Variants in GRIN2B observed in about 807,000 individuals in gnomAD.
GRIN2B encodes the protein glutamate ionotropic receptor NMDA type subunit 2B, also known as glutamate receptor ionotropic, NMDA 2B.
Under a neutral mutation model 114.5 loss-of-function variants are expected in GRIN2B, and 5 were observed. The observed-to-expected ratio is 0.04, with a 90% CI of 0.02 to 0.09. The LOEUF (loss-of-function observed/expected upper bound fraction) is 0.09, where lower values mean the gene tolerates loss of function less well. GRIN2B is among the 10% of genes least tolerant of loss of function. The pLI is 1.00. For missense variants in GRIN2B, 1,108 were observed against 1,943.5 expected (o/e 0.57, Z 8.08); for synonymous variants, 787 against 745.1 (o/e 1.06, Z -0.92).
At chr12:13,572,007 G>GGAGAGA (rs370168771) in intron 10 of GRIN2B, 43 bp from the exon 11 acceptor site, 2 of 1,463,026 alleles carry the variant, frequency 1.4e-6, no homozygotes, top group Admixed American at 1.8e-5. Flanking sequence ...GGAGATGGAG[G>GGAGAGA]GAGAGAGAGA....
intron 5 of GRIN2B, among the ~76,000 whole-genome samples, chr12:13,648,238 G>A (rs1413686802): frequency 6.6e-6 from 1 of 152,010 alleles, no homozygotes; most frequent in African/African-American, 2.4e-5. Context: ...AAAGCTCAAC[G>A]GACAGTTGAG....
intron 4 of GRIN2B, among the ~76,000 whole-genome samples, chr12:13,742,911 T>G (rs1377780001): frequency 3.3e-5 from 5 of 152,228 alleles, no homozygotes; most frequent in African/African-American, 1.2e-4. Flanking sequence ...CCTTCCTTCC[T>G]TTCTAACTTC....
At chr12:13,926,861 G>A (rs1213892682) in intron 2 of GRIN2B, among the ~76,000 whole-genome samples, 1 of 151,872 alleles carries the variant, frequency 6.6e-6, no homozygotes, top group Non-Finnish European at 1.5e-5. Flanking sequence ...GCTGAGGCAG[G>A]AGAATGGCGT....
chr12:13,865,040 A>C (rs1865805210), intron 3 of GRIN2B, among the ~76,000 whole-genome samples: 1 of 152,216 alleles, frequency 6.6e-6, no homozygotes, highest in South Asian at 2.1e-4. Context: ...GATGAGCGTT[A>C]ATACCTTGGC....
chr12:13,931,902 T>C (rs1284702273), intron 2 of GRIN2B, among the ~76,000 whole-genome samples: 1 of 152,134 alleles, frequency 6.6e-6, no homozygotes, highest in Non-Finnish European at 1.5e-5. Context: ...TCCCCATCAT[T>C]TCTCACCTAA....
At chr12:13,652,926 T>A (rs894042358) in intron 5 of GRIN2B, among the ~76,000 whole-genome samples, 1 of 152,148 alleles carries the variant, frequency 6.6e-6, no homozygotes, top group African/African-American at 2.4e-5. Flanking sequence ...TAGCGGGGCT[T>A]TGAGTTTTCA....
chr12:13,660,115 C>T (rs1372034365), intron 5 of GRIN2B, among the ~76,000 whole-genome samples: 1 of 152,126 alleles, frequency 6.6e-6, no homozygotes, highest in East Asian at 1.9e-4. Flanking sequence ...AGAGAGGGCC[C>T]CAATACAGAA....
intron 2 of GRIN2B, among the ~76,000 whole-genome samples, chr12:13,924,321 G>A (rs780060361): frequency 5.9e-5 from 9 of 152,186 alleles, no homozygotes; most frequent in Non-Finnish European, 1.3e-4. Context: ...AAAAGGTGTG[G>A]GCAGAGTCTA....
At chr12:13,817,825 T>C (rs981412614) in intron 3 of GRIN2B, among the ~76,000 whole-genome samples, 2 of 152,212 alleles carry the variant, frequency 1.3e-5, no homozygotes, top group African/African-American at 2.4e-5. Flanking sequence ...ATTATTTCTA[T>C]ACCTGAAAAT....
chr12:13,720,081 C>A lies in GRIN2B; in HGVS notation c.1010+33236G>T, dbSNP rs71457199. ...AGCATGATAGAAACAAAACGGCAAA[C>A]CAGAGTCTCAGTTCCCTGGGCTAAT... On this transcript the variant is annotated intron_variant, in intron 4 of 13. Transcript: ENST00000609686. 9.1e-3 allele frequency among the ~76,000 whole-genome samples: 1,387 copies of A among 152,072 alleles called. 11 individuals are homozygous for A. Among genetic ancestry groups the A allele is most frequent in the Non-Finnish European group, 0.013 (891 of 67,946 alleles).
intron 5 of GRIN2B, among the ~76,000 whole-genome samples, chr12:13,618,013 T>C (rs539081647): frequency 3.4e-4 from 52 of 152,350 alleles, no homozygotes; most frequent in African/African-American, 1.2e-3. Context: ...TTGGTTTTCT[T>C]TCAAGGGTAT....
chr12:13,730,597 T>G (rs1340102920), intron 4 of GRIN2B, among the ~76,000 whole-genome samples: 1 of 152,128 alleles, frequency 6.6e-6, no homozygotes, highest in Non-Finnish European at 1.5e-5. Context: ...TCTAATCATG[T>G]GTCAAGGGCC....
intron 2 of GRIN2B, among the ~76,000 whole-genome samples, chr12:13,878,178 G>A (rs985285511): frequency 2.0e-5 from 3 of 152,176 alleles, no homozygotes; most frequent in African/African-American, 7.2e-5. Flanking sequence ...GTTTCCAGGT[G>A]GGTTTCGCCA....
intron 2 of GRIN2B, among the ~76,000 whole-genome samples, chr12:13,887,469 T>C (rs947662158): frequency 2.0e-5 from 3 of 151,964 alleles, no homozygotes; most frequent in African/African-American, 7.3e-5. Flanking sequence ...GACTAATACG[T>C]AGGCATGGGA....
chr12:13,752,904 G>A lies in GRIN2B; in HGVS notation c.1010+413C>T, dbSNP rs117161337. ...CTAAGTCTCCTGCATCTTTCTTTGC[G>A]ATCAAGTAGTACTTACAGATCAGAG... On this transcript the variant is annotated intron_variant, in intron 4 of 13. Transcript: ENST00000609686. 3.2e-4 allele frequency among the ~76,000 whole-genome samples: 48 copies of A among 152,232 alleles called. No individual in the cohort carries two copies. In the East Asian group the frequency reaches 6.4e-3, roughly 20 times the overall value.
chr12:13,859,055 T>C (rs770012101), intron 3 of GRIN2B, among the ~76,000 whole-genome samples: 2 of 152,226 alleles, frequency 1.3e-5, no homozygotes, highest in African/African-American at 2.4e-5. Flanking sequence ...CTGTCTACCA[T>C]GCACTGGGTA....
chr12:13,827,666 T>A (rs1193747681), intron 3 of GRIN2B, among the ~76,000 whole-genome samples: 1 of 140,804 alleles, frequency 7.1e-6, no homozygotes, highest in South Asian at 2.5e-4. Flanking sequence ...TCTCTGAACA[T>A]ATTTATAACA....
chr12:13,688,046 C>T (rs930390126), intron 4 of GRIN2B, among the ~76,000 whole-genome samples: 5 of 152,104 alleles, frequency 3.3e-5, no homozygotes, highest in African/African-American at 1.2e-4. Context: ...ATTCTCACAT[C>T]AATGATATAA....
rs569827906 is a variant in GRIN2B, at chr12:13,896,866, T to G, written c.-18-30640A>C. 2.6e-5 allele frequency among the ~76,000 whole-genome samples: 4 copies of G among 152,304 alleles called. No homozygotes were observed. In the East Asian group the frequency reaches 7.7e-4, roughly 29 times the overall value. ...TGACCTTGAGTAAGCTGTTTAAACTTTCTAAGCCACAGTATTCTCATCTGT... is the reference window on the plus strand; with the variant it reads ...TGACCTTGAGTAAGCTGTTTAAACTGTCTAAGCCACAGTATTCTCATCTGT... On this transcript the variant is annotated intron_variant, in intron 2 of 13. Coordinates refer to ENST00000609686, the MANE Select transcript of GRIN2B (RefSeq NM_000834.5).
Sources: gnomAD v4.1 joint callset for allele counts (sites outside exome capture counted in the v4.1 genomes callset) on GRCh38, gnomAD v4.1.1 for gene constraint, MANE v1.5 for transcripts, NCBI Gene and HGNC (gene_info 2026-07-23, HGNC 2026-07-21) for gene names.